Variants in MACROD2 observed in about 807,000 individuals in gnomAD.
The protein encoded by MACROD2 is mono-ADP ribosylhydrolase 2.
In MACROD2, 36 loss-of-function variants were observed where a neutral mutation model predicts 70.4. The observed-to-expected ratio is 0.51, with a 90% CI of 0.39 to 0.68. MACROD2 has a LOEUF of 0.68. MACROD2 is among the 30% of genes least tolerant of loss of function. The probability of loss-of-function intolerance (pLI) is 0.00; values close to 1 mark genes in which losing one functional copy is unlikely to be tolerated. For missense variants in MACROD2, 496 were observed against 538.4 expected (o/e 0.92, Z 0.78); for synonymous variants, 172 against 178.8 (o/e 0.96, Z 0.30).
At chr20:15,116,996 AT>A (rs959354937) in intron 5 of MACROD2, among the ~76,000 whole-genome samples, 71 of 152,152 alleles carry the variant, frequency 4.7e-4, no homozygotes, top group African/African-American at 1.4e-3. Flanking sequence ...ATGATAAAGC[AT>A]TTTTTTTCTT....
intron 5 of MACROD2, among the ~76,000 whole-genome samples, chr20:15,141,467 G>A (rs1480751398): frequency 6.6e-6 from 1 of 152,204 alleles, no homozygotes; most frequent in Non-Finnish European, 1.5e-5. Context: ...AAGTGATCTG[G>A]CTCCATAACT....
At chr20:14,130,126 A>G (rs2054699151) in intron 3 of MACROD2, among the ~76,000 whole-genome samples, 1 of 152,224 alleles carries the variant, frequency 6.6e-6, no homozygotes, top group African/African-American at 2.4e-5. Context: ...GAGTCACCCA[A>G]ATCTATCAAG....
At chr20:14,913,331 T>C (rs560810564) in intron 5 of MACROD2, among the ~76,000 whole-genome samples, 3 of 152,290 alleles carry the variant, frequency 2.0e-5, no homozygotes, top group African/African-American at 7.2e-5. Flanking sequence ...ATTTATGGAT[T>C]GTACTTTATA....
At chr20:15,074,602 G>A (rs976235246) in intron 5 of MACROD2, among the ~76,000 whole-genome samples, 6 of 152,212 alleles carry the variant, frequency 3.9e-5, no homozygotes, top group African/African-American at 1.2e-4. Context: ...TTGTGGGACT[G>A]AAACCTGAAC....
At chr20:14,324,035 C>G (rs2082696659) in intron 3 of MACROD2, 1 of 152,024 alleles carries the variant, frequency 6.6e-6, no homozygotes, top group Non-Finnish European at 1.5e-5. Flanking sequence ...ATTTTTATGC[C>G]TAGAAAAATA....
chr20:14,797,382 T>C (rs981844693), intron 5 of MACROD2, among the ~76,000 whole-genome samples: 2 of 152,014 alleles, frequency 1.3e-5, no homozygotes, highest in Non-Finnish European at 2.9e-5. Context: ...ATGATCTGGC[T>C]CCTGCAGTTC....
At chr20:15,374,000 G>A (rs1475444810) in intron 6 of MACROD2, among the ~76,000 whole-genome samples, 1 of 151,726 alleles carries the variant, frequency 6.6e-6, no homozygotes, top group East Asian at 1.9e-4. Context: ...TTGTTTGTTT[G>A]TTTTCCCTCT....
intron 5 of MACROD2, among the ~76,000 whole-genome samples, chr20:15,058,169 G>A (rs1383385920): frequency 1.3e-5 from 2 of 152,074 alleles, no homozygotes; most frequent in Non-Finnish European, 2.9e-5. Context: ...TCCTCCATTA[G>A]CTTGAAAACT....
chr20:14,798,015 C>T (rs2072531172), intron 5 of MACROD2, among the ~76,000 whole-genome samples: 1 of 152,048 alleles, frequency 6.6e-6, no homozygotes, highest in South Asian at 2.1e-4. Context: ...AAGGTCAGTA[C>T]ATTTTAAGAT....
chr20:14,356,949 G>A (rs1458976974), intron 3 of MACROD2, among the ~76,000 whole-genome samples: 1 of 152,184 alleles, frequency 6.6e-6, no homozygotes, highest in Non-Finnish European at 1.5e-5. Flanking sequence ...CCCTATGGCA[G>A]CATGTCTGGA....
intron 6 of MACROD2, among the ~76,000 whole-genome samples, chr20:15,286,173 G>C (rs2077489554): frequency 6.6e-6 from 1 of 152,104 alleles, no homozygotes; most frequent in Non-Finnish European, 1.5e-5. Context: ...AAATTTTGTA[G>C]GGTTTTTGAG....
intron 2 of MACROD2, 144 bp from the exon 3 acceptor site, chr20:14,085,477 C>T (rs2054065151): frequency 2.3e-6 from 1 of 434,246 alleles, no homozygotes; most frequent in Non-Finnish European, 4.1e-6. Flanking sequence ...AACCACACCC[C>T]TTGTACTTAC....
At chr20:16,043,182 G>A (rs1458001746) in intron 16 of MACROD2, among the ~76,000 whole-genome samples, 7 of 152,078 alleles carry the variant, frequency 4.6e-5, no homozygotes, top group Admixed American at 3.9e-4. Flanking sequence ...CTGATTGGAG[G>A]TTGTTGGCCT....
At chr20:15,473,560 A>T (rs931400298) in intron 7 of MACROD2, among the ~76,000 whole-genome samples, 3 of 152,178 alleles carry the variant, frequency 2.0e-5, no homozygotes, top group African/African-American at 7.2e-5. Flanking sequence ...TTGAATTTCA[A>T]CTGTTTGTAG....
intron 5 of MACROD2, among the ~76,000 whole-genome samples, chr20:15,006,971 A>G (rs536159883): frequency 6.6e-6 from 1 of 152,166 alleles, no homozygotes; most frequent in African/African-American, 2.4e-5. Flanking sequence ...CATAAAGTCT[A>G]AGGCTTTGCA....
intron 15 of MACROD2, among the ~76,000 whole-genome samples, chr20:16,019,625 T>C (rs2066975104): frequency 6.6e-6 from 1 of 152,180 alleles, no homozygotes; most frequent in Non-Finnish European, 1.5e-5. Context: ...AACTCTGTAT[T>C]GTTTAGGGCT....
At chr20:14,631,133 C>A (rs929415196) in intron 4 of MACROD2, among the ~76,000 whole-genome samples, 2 of 151,888 alleles carry the variant, frequency 1.3e-5, no homozygotes, top group African/African-American at 4.8e-5. Context: ...AGCACTAGGC[C>A]CAACAGACCA....
intron 3 of MACROD2, among the ~76,000 whole-genome samples, chr20:14,429,439 T>A (rs2083970640): frequency 6.6e-6 from 1 of 152,164 alleles, no homozygotes; most frequent in Non-Finnish European, 1.5e-5. Context: ...TCCACAAGGA[T>A]AAAGAAGTGA....
At chr20:14,592,139 T>C (rs754165990) in intron 4 of MACROD2, among the ~76,000 whole-genome samples, 3 of 152,194 alleles carry the variant, frequency 2.0e-5, no homozygotes, top group Non-Finnish European at 2.9e-5. Flanking sequence ...AAGGGTTTAT[T>C]TGGAGTTCCT....
Sources: gnomAD v4.1 joint callset for allele counts (sites outside exome capture counted in the v4.1 genomes callset) on GRCh38, gnomAD v4.1.1 for gene constraint, MANE v1.5 for transcripts, NCBI Gene and HGNC (gene_info 2026-07-23, HGNC 2026-07-21) for gene names.